RNLS: variants seen among roughly 807,000 people sequenced by gnomAD.
The protein encoded by RNLS is renalase, FAD dependent amine oxidase.
A neutral mutation model predicts 39.8 loss-of-function variants in RNLS; 39 were observed. The ratio of observed to expected loss-of-function variants is 0.98; its 90% CI spans 0.76 to 1.28. RNLS has a LOEUF of 1.28. Among genes scored for constraint, RNLS ranks in the 50% most tolerant of loss-of-function variants. RNLS has a pLI of 0.00. For missense variants in RNLS, 410 were observed against 413.3 expected (o/e 0.99, Z 0.07); for synonymous variants, 147 against 150.7 (o/e 0.98, Z 0.18).
chr10:88,422,655 G>T (rs1854475669), intron 4 of RNLS, among the ~76,000 whole-genome samples: 1 of 152,016 alleles, frequency 6.6e-6, no homozygotes. Context: ...AAGTTTGATA[G>T]AAATCCCATA....
intron 4 of RNLS, among the ~76,000 whole-genome samples, chr10:88,554,197 G>T (rs1328021231): frequency 6.6e-6 from 1 of 151,808 alleles, no homozygotes; most frequent in African/African-American, 2.4e-5. Context: ...CTGAACTTGG[G>T]CATGTTATTC....
intron 4 of RNLS, among the ~76,000 whole-genome samples, chr10:88,392,712 T>C (rs1852281917): frequency 6.6e-6 from 1 of 152,156 alleles, no homozygotes; most frequent in Non-Finnish European, 1.5e-5. Context: ...AGTTGCAACA[T>C]TTTTTAAAAT....
chr10:88,380,398 C>T (rs1237795736), intron 4 of RNLS, among the ~76,000 whole-genome samples: 4 of 114,350 alleles, frequency 3.5e-5, no homozygotes, highest in Admixed American at 1.2e-4. Flanking sequence ...TTTGAGACGA[C>T]GGAGTCTCTC....
At chr10:88,255,628 G>A in the RNLS span, among the ~76,000 whole-genome samples, 4 of 152,234 alleles carry the variant, frequency 2.6e-5, no homozygotes, top group Admixed American at 2.0e-4. Flanking sequence ...ACAAGTTTTC[G>A]TCTGCTGTGA....
the RNLS span, among the ~76,000 whole-genome samples, chr10:88,260,387 A>G: frequency 6.6e-6 from 1 of 152,252 alleles, no homozygotes; most frequent in Non-Finnish European, 1.5e-5. Context: ...GGCTTTATCT[A>G]TTTGAATTAA....
At chr10:88,381,825 C>T (rs7916050) in intron 4 of RNLS, among the ~76,000 whole-genome samples, 42,111 of 151,768 alleles carry the variant, frequency 0.28, 6,033 homozygotes, top group East Asian at 0.44. Context: ...AAATCTGACC[C>T]CTGTCTGGTT....
chr10:88,345,412 T>G (rs1848239950), intron 5 of RNLS, among the ~76,000 whole-genome samples: 2 of 152,178 alleles, frequency 1.3e-5, no homozygotes, highest in South Asian at 4.1e-4. Context: ...GCATCTAACT[T>G]CATGTTCTCT....
At chr10:88,290,765 A>G (rs1020274759) in intron 6 of RNLS, among the ~76,000 whole-genome samples, 4 of 152,184 alleles carry the variant, frequency 2.6e-5, no homozygotes, top group Non-Finnish European at 5.9e-5. Flanking sequence ...TGCACTTCCT[A>G]TGCAGTCTGT....
intron 2 of RNLS, among the ~76,000 whole-genome samples, 183 bp from the exon 3 acceptor site, chr10:88,581,892 G>A (rs1460547394): frequency 2.0e-5 from 3 of 152,162 alleles, no homozygotes; most frequent in African/African-American, 7.2e-5. Flanking sequence ...TAATACAGGT[G>A]AAGAAGAGAA....
At chr10:88,205,684 G>A in the RNLS span, among the ~76,000 whole-genome samples, 1 of 152,098 alleles carries the variant, frequency 6.6e-6, no homozygotes, top group Non-Finnish European at 1.5e-5. Context: ...TGACTTGCTG[G>A]AAGTTTTGGA....
intron 4 of RNLS, among the ~76,000 whole-genome samples, chr10:88,415,086 G>C (rs1853933110): frequency 6.6e-6 from 1 of 152,192 alleles, no homozygotes; most frequent in Non-Finnish European, 1.5e-5. Context: ...ATGTAGGATG[G>C]TCTTGCTTTG....
intron 4 of RNLS, among the ~76,000 whole-genome samples, chr10:88,525,751 T>C (rs1160396896): frequency 1.3e-5 from 2 of 152,186 alleles, no homozygotes; most frequent in Admixed American, 6.6e-5. Flanking sequence ...TTACTTTTTA[T>C]TTATTTGACT....
rs180849331 is a variant in RNLS at position 88,524,738 on chromosome 10, C to T, written c.526+48165G>A. Among the ~76,000 whole-genome samples, 539 of 151,628 alleles carry T rather than the reference C, an allele frequency of 3.6e-3. 4 individuals are homozygous for T. The highest frequency in any genetic ancestry group is 0.027 in the Middle Eastern group (8 of 294). On this transcript the variant is annotated intron_variant, in intron 4 of 6. Coordinates refer to ENST00000331772, the MANE Select transcript of RNLS (RefSeq NM_001031709.3). The stretch of plus-strand genomic sequence containing the variant: ...AAGTTCTATTCAACAGTACTAGATT[C>T]GACCACTTTCTCATTTGTCCATATA...
intron 5 of RNLS, among the ~76,000 whole-genome samples, chr10:88,329,504 A>T (rs775968928): frequency 6.6e-6 from 1 of 150,792 alleles, no homozygotes; most frequent in Non-Finnish European, 1.5e-5. Flanking sequence ...ACCTTTGTTG[A>T]CTTCATTGGG....
At chr10:88,183,890 T>C in the RNLS span, among the ~76,000 whole-genome samples, 1 of 152,170 alleles carries the variant, frequency 6.6e-6, no homozygotes, top group Non-Finnish European at 1.5e-5. Context: ...ACTGAGACTT[T>C]TGCGGATCAA....
intron 4 of RNLS, among the ~76,000 whole-genome samples, chr10:88,530,205 C>T (rs1847336168): frequency 6.6e-6 from 1 of 152,126 alleles, no homozygotes; most frequent in Non-Finnish European, 1.5e-5. Flanking sequence ...ACGTCCCTTC[C>T]TCATGGGCCT....
chr10:88,501,232 C>A (rs1375557075), intron 4 of RNLS, among the ~76,000 whole-genome samples: 2 of 152,000 alleles, frequency 1.3e-5, no homozygotes, highest in Admixed American at 6.6e-5. Flanking sequence ...TATACATGAT[C>A]AATAATTATG....
At chr10:88,567,746 T>C (rs1849592835) in intron 4 of RNLS, among the ~76,000 whole-genome samples, 1 of 152,160 alleles carries the variant, frequency 6.6e-6, no homozygotes, top group South Asian at 2.1e-4. Context: ...TTCTGCATAG[T>C]AGAAATGATA....
At chr10:88,407,202 AAT>A (rs1853332888) in intron 4 of RNLS, among the ~76,000 whole-genome samples, 1 of 152,072 alleles carries the variant, frequency 6.6e-6, no homozygotes, top group Non-Finnish European at 1.5e-5. Context: ...TATGGAAAAA[AAT>A]AGTCAACATC....
Sources: gnomAD v4.1 joint callset for allele counts (sites outside exome capture counted in the v4.1 genomes callset) on GRCh38, gnomAD v4.1.1 for gene constraint, MANE v1.5 for transcripts, NCBI Gene and HGNC (gene_info 2026-07-23, HGNC 2026-07-21) for gene names.